The following COL27A1 variants were observed in gnomAD, a reference collection of about 807,000 sequenced individuals.
COL27A1 encodes collagen type XXVII alpha 1 chain.
COL27A1 carries 106 observed loss-of-function variants against 251.3 expected under a neutral mutation model. That is an observed-to-expected ratio of 0.42 (90% CI 0.36 to 0.50). The LOEUF is 0.50. Among genes scored for constraint, COL27A1 ranks in the 20% least tolerant of loss-of-function variants. COL27A1 has a pLI of 0.00. For synonymous variants in COL27A1, 1,000 were observed against 986.3 expected (o/e 1.01, Z -0.26); for missense variants, 2,325 against 2,522.8 (o/e 0.92, Z 1.68).
intron 14 of COL27A1, among the ~76,000 whole-genome samples, chr9:114,227,710 T>C (rs1455862233): frequency 1.3e-5 from 2 of 151,110 alleles, no homozygotes; most frequent in Non-Finnish European, 3.0e-5. Flanking sequence ...TTGGTGGGAG[T>C]CAGTGAGACG....
chr9:114,300,812 C>A, intron 51 of COL27A1, 125 bp downstream of exon 51: 1 of 854,790 alleles, frequency 1.2e-6, no homozygotes. Flanking sequence ...TGCCCACAGG[C>A]CTGGTTCCCA....
At position 114,157,075 on chromosome 9, in the gene COL27A1, AACACACAC is replaced by A. The variant is rs150446535; in HGVS notation, c.62+1085_62+1092del. Among the ~76,000 whole-genome samples the A allele has an allele frequency of 4.3e-5, 5 of 117,488 alleles. No individual in the cohort carries two copies. The East Asian group carries it at 1.1e-3, about 26-fold the overall frequency. 77.1% of individuals were successfully genotyped at this position (117,488 alleles called of 152,430 possible). ...CCCCCGCCCCGCACCCCCTCACCAC[AACACACAC>A]ACACACACACACACACACACATACG... On this transcript the variant is annotated intron_variant, in intron 1 of 60. Coordinates refer to ENST00000356083, the MANE Select transcript of COL27A1 (RefSeq NM_032888.4).
chr9:114,247,128 G>A (rs1277589837), intron 24 of COL27A1, among the ~76,000 whole-genome samples: 1 of 152,090 alleles, frequency 6.6e-6, no homozygotes, highest in Non-Finnish European at 1.5e-5. Context: ...ATATAGAAAT[G>A]CAATTATGAA....
At chr9:114,192,635 T>C (rs1828822643) in intron 5 of COL27A1, among the ~76,000 whole-genome samples, 1 of 152,168 alleles carries the variant, frequency 6.6e-6, no homozygotes. Context: ...CCTTTGTCTC[T>C]TCCCTGCCAG....
chr9:114,211,402 G>A (rs1264630715), intron 12 of COL27A1, among the ~76,000 whole-genome samples: 2 of 152,238 alleles, frequency 1.3e-5, no homozygotes, highest in African/African-American at 2.4e-5. Flanking sequence ...GGAACACTCA[G>A]TCTCCACATC....
At position 114,310,728 on chromosome 9, in the gene COL27A1, G is replaced by C. The variant is rs770325780; in HGVS notation, c.*33G>C. 2.5e-6 allele frequency: 4 copies of C among 1,610,748 alleles called. No individual in the cohort carries two copies. The highest frequency in any genetic ancestry group is 1.3e-5 in the African/African-American group (1 of 74,868). On this transcript the variant is annotated 3_prime_UTR_variant, in exon 61 of 61. Transcript: ENST00000356083. The stretch of plus-strand genomic sequence containing the variant: ...CCTCGTGGCCACTCTAGGCCTCACG[G>C]AGGAGGGAAGAGGAAGAGGCAAGGG...
At chr9:114,167,643 G>C (rs1332281749) in intron 2 of COL27A1, 46 bp from the exon 3 acceptor site, 2 of 1,522,354 alleles carry the variant, frequency 1.3e-6, no homozygotes, top group African/African-American at 2.7e-5. Context: ...GGGGTGGGCT[G>C]GAGCAGGCCC....
chr9:114,173,031 G>A (rs1190856091), intron 3 of COL27A1, among the ~76,000 whole-genome samples: 1 of 152,244 alleles, frequency 6.6e-6, no homozygotes, highest in Non-Finnish European at 1.5e-5. Flanking sequence ...GCAACTGGCA[G>A]AGGCAGAGAC....
intron 27 of COL27A1, among the ~76,000 whole-genome samples, chr9:114,253,934 C>T (rs1203412174): frequency 1.3e-5 from 2 of 152,196 alleles, no homozygotes; most frequent in Non-Finnish European, 2.9e-5. Context: ...CAACCTCCAC[C>T]TCCTGGGTTC....
intron 34 of COL27A1, 78 bp downstream of exon 34, chr9:114,267,635 G>T: frequency 7.6e-7 from 1 of 1,323,376 alleles, no homozygotes; most frequent in South Asian, 1.3e-5. Context: ...CTCCATGGAA[G>T]AGAAATGGGC....
At chr9:114,183,515 G>T (rs150674163) in intron 5 of COL27A1, among the ~76,000 whole-genome samples, 5 of 152,276 alleles carry the variant, frequency 3.3e-5, no homozygotes, top group African/African-American at 9.6e-5. Flanking sequence ...GAGACCAGGG[G>T]TGATATGGGG....
chr9:114,155,527 C>T (rs936410974), upstream of COL27A1: 1 of 152,198 alleles, frequency 6.6e-6, no homozygotes, highest in East Asian at 1.9e-4. This position sits in a 1 kb window ranked among gnomAD's most constrained non-coding sequence, Gnocchi z 5.5. Flanking sequence ...TTCATTTCCC[C>T]CAAATCCTTC....
At chr9:114,307,517 T>A (rs1442692122) in intron 58 of COL27A1, 152 bp from the exon 59 acceptor site, 1 of 634,056 alleles carries the variant, frequency 1.6e-6, no homozygotes, top group Non-Finnish European at 2.8e-6. Flanking sequence ...TCCTTCCATC[T>A]CGGTTGGAGG....
chr9:114,210,622 C>T (rs935825703), intron 11 of COL27A1, among the ~76,000 whole-genome samples: 1 of 152,160 alleles, frequency 6.6e-6, no homozygotes, highest in Non-Finnish European at 1.5e-5. Flanking sequence ...ATTAGAAGCC[C>T]CTGGGGTGGT....
At chr9:114,206,044 G>T (rs1012982713) in intron 9 of COL27A1, among the ~76,000 whole-genome samples, 1 of 152,138 alleles carries the variant, frequency 6.6e-6, no homozygotes, top group South Asian at 2.1e-4. Flanking sequence ...GGCTCCAGAG[G>T]CTCCTCCTAC....
Position 114,155,984 on chromosome 9 carries a change from ACAG to A in COL27A1, c.36_38del (p.Ala18del). 7.7e-7 allele frequency: 1 copy of A among 1,293,540 alleles called. No homozygotes were observed. Among genetic ancestry groups the A allele is most frequent in the Non-Finnish European group, 9.8e-7 (1 of 1,018,012 alleles). 80.1% of individuals were successfully genotyped at this position (1,293,540 alleles called of 1,614,324 possible). On this transcript the variant is annotated inframe_deletion, in exon 1 of 61. Coordinates refer to ENST00000356083, the MANE Select transcript of COL27A1 (RefSeq NM_032888.4). The surrounding 1 kb of genome is among the most constrained non-coding windows in gnomAD (Gnocchi z 5.5). Reference sequence around the variant, plus strand: ...GGGATCGGCGCGGGGGGCCCGAGGCACAGCGGCGGCGGCGGCGGCGCGCGGGGG... The same window carrying A: ...GGGATCGGCGCGGGGGGCCCGAGGCACGGCGGCGGCGGCGGCGCGCGGGGG...
At chr9:114,277,096 G>T (rs1164946569) in intron 37 of COL27A1, among the ~76,000 whole-genome samples, 1 of 152,160 alleles carries the variant, frequency 6.6e-6, no homozygotes, top group African/African-American at 2.4e-5. Flanking sequence ...GGATGAGCTG[G>T]AGGCAGGTGG....
chr9:114,287,529 T>C (rs997133783), intron 41 of COL27A1, among the ~76,000 whole-genome samples: 2 of 152,114 alleles, frequency 1.3e-5, no homozygotes, highest in African/African-American at 4.8e-5. Context: ...TCTCTGGCCA[T>C]GTCTATATGA....
chr9:114,283,710 G>T lies in COL27A1; in HGVS notation c.3881G>T (p.Gly1294Val). The change falls in exon 40 of 61, where the codon GGT becomes GTT. Residue 1294 changes from glycine (G) to valine (V), a missense_variant and splice_region_variant. Coordinates refer to ENST00000356083, the MANE Select transcript of COL27A1 (RefSeq NM_032888.4). ...AACGAGGGTCTCCTCCTCTTGTAGGGTGCTCCGGGACGCATGGGGGCCCAA... is the reference window on the plus strand; with the variant it reads ...AACGAGGGTCTCCTCCTCTTGTAGGTTGCTCCGGGACGCATGGGGGCCCAA... Reference protein sequence around the residue: ...KGSRGSLGPTGAPGRMGAQGE... With the variant: ...KGSRGSLGPTVAPGRMGAQGE... The T allele has an allele frequency of 6.2e-7, 1 of 1,614,038 alleles. No individual in the cohort carries two copies. The highest frequency in any genetic ancestry group is 8.5e-7 in the Non-Finnish European group (1 of 1,179,958).
Sources: gnomAD v4.1 joint callset for allele counts (sites outside exome capture counted in the v4.1 genomes callset) on GRCh38, gnomAD v4.1.1 for gene constraint, Gnocchi (gnomAD v3.1) non-coding constraint, MANE v1.5 for transcripts, NCBI Gene and HGNC (gene_info 2026-07-23, HGNC 2026-07-21) for gene names.